Variants in CREB3L3 observed in about 807,000 individuals in gnomAD.
CREB3L3 encodes the protein cAMP responsive element binding protein 3 like 3, also known as cyclic AMP-responsive element-binding protein 3-like protein 3.
Under a neutral mutation model 44.6 loss-of-function variants are expected in CREB3L3, and 40 were observed. The observed-to-expected ratio is 0.90, with a 90% confidence interval of 0.70 to 1.17. CREB3L3 has a LOEUF of 1.17. CREB3L3 is among the 50% of genes most tolerant of loss of function. The pLI, the probability that CREB3L3 is intolerant of heterozygous loss-of-function variation, is 0.00. For missense variants in CREB3L3, 578 were observed against 595.8 expected, an observed-to-expected ratio of 0.97 and a Z score of 0.31; for synonymous variants, 273 against 256.3, an observed-to-expected ratio of 1.06 and a Z score of -0.62.
chr19:4,166,101 T>C (rs1303972578), intron 5 of CREB3L3, among the ~76,000 whole-genome samples: 1 of 150,558 alleles, frequency 6.6e-6, no homozygotes, highest in Non-Finnish European at 1.5e-5. Context: ...TTTTTTTTTT[T>C]CTATTGAGAC....
intron 4 of CREB3L3, among the ~76,000 whole-genome samples, chr19:4,160,723 TTTTG>T (rs2041648777): frequency 6.8e-6 from 1 of 147,398 alleles, no homozygotes; most frequent in African/African-American, 2.5e-5. Flanking sequence ...GCCTGGCTAA[TTTTG>T]TTTTTCTTTT....
At chr19:4,163,232 C>T (rs980789698) in intron 4 of CREB3L3, among the ~76,000 whole-genome samples, 1 of 151,608 alleles carries the variant, frequency 6.6e-6, no homozygotes, top group African/African-American at 2.4e-5. Context: ...GGCGTGAACC[C>T]GGGAAGCAGA....
intron 1 of CREB3L3, 97 bp from the exon 2 acceptor site, chr19:4,154,802 C>T (rs2041550522): frequency 6.3e-7 from 1 of 1,584,462 alleles, no homozygotes; most frequent in Non-Finnish European, 8.6e-7. Flanking sequence ...AGAGCGGCAA[C>T]TGAACTCTAG....
rs757693100 is a variant in CREB3L3, at chr19:4,159,730, G to C, written c.524G>C (p.Arg175Pro). 23 of 1,598,832 alleles carry C rather than the reference G, an allele frequency of 1.4e-5. No homozygotes were observed. In the South Asian group the frequency reaches 2.3e-4, roughly 16 times the overall value. Residue 175 changes from arginine to proline, a missense_variant, in exon 4 of 10, where the codon CGA (arginine) becomes CCA (proline). Coordinates refer to ENST00000078445, the MANE Select transcript of CREB3L3 (RefSeq NM_032607.3). ...GCTGATCCGGTGGACCTGTCCCCAC[G>C]ATGCAATCTCACCGTGAAAGACCTC... ...KPADPVDLSP[R>P]CNLTVKDLLL...
In CREB3L3 at chr19:4,154,912, C is replaced by A. The variant is rs758831342; in HGVS notation, c.41C>A (p.Ala14Asp). The change falls in exon 2 of 10, where the codon GCC (alanine) becomes GAC (aspartate). Residue 14 changes from alanine to aspartate, a missense_variant. Ala to Asp is a moderately radical substitution (Grantham distance 126, BLOSUM62 -2). Coordinates refer to ENST00000078445, the MANE Select transcript of CREB3L3 (RefSeq NM_032607.3). ...DLAAGKMASA[A>D]CSMDPIDSFE... ...CTCGCGCCCCAGATGGCTTCTGCTG[C>A]CTGCTCCATGGACCCCATCGACAGC... The A allele has an allele frequency of 3.1e-6, 5 of 1,613,880 alleles. No individual in the cohort carries two copies. The African/African-American group carries it at 5.3e-5, about 17-fold the overall frequency.
chr19:4,164,811 C>T (rs890336543), intron 5 of CREB3L3, among the ~76,000 whole-genome samples, 171 bp downstream of exon 5: 1 of 152,046 alleles, frequency 6.6e-6, no homozygotes, highest in Non-Finnish European at 1.5e-5. Flanking sequence ...CAGATTCCAG[C>T]GATTCTCCCG....
chr19:4,162,058 G>C (rs900973670), intron 4 of CREB3L3, among the ~76,000 whole-genome samples: 2 of 152,158 alleles, frequency 1.3e-5, no homozygotes, highest in Admixed American at 6.6e-5. Flanking sequence ...TCCAGGCTAA[G>C]TGCAGTGCCA....
chr19:4,164,655 A>T lies in CREB3L3; in HGVS notation c.714+15A>T. On this transcript the variant is annotated intron_variant, in intron 5 of 9. Coordinates refer to ENST00000078445, the MANE Select transcript of CREB3L3 (RefSeq NM_032607.3). ...CCCTCACTAAGGTGAGTCTGGGGGG[A>T]CTTCCAGCCCTGGATCCATCTCCCC... 1 of 1,613,508 alleles carries T rather than the reference A, an allele frequency of 6.2e-7. No individual in the cohort carries two copies. The highest frequency in any genetic ancestry group is 2.2e-5 in the East Asian group (1 of 44,852).
chr19:4,161,609 C>G (rs1418806563), intron 4 of CREB3L3, among the ~76,000 whole-genome samples: 10 of 131,024 alleles, frequency 7.6e-5, no homozygotes, highest in Non-Finnish European at 1.5e-4. Flanking sequence ...TTTGACAACC[C>G]AAACCCATTT....
At chr19:4,158,428 C>T (rs1341364254) in intron 3 of CREB3L3, among the ~76,000 whole-genome samples, 3 of 151,872 alleles carry the variant, frequency 2.0e-5, no homozygotes, top group Non-Finnish European at 2.9e-5. Flanking sequence ...ACCCGGGAGG[C>T]GGAGGTTGCA....
chr19:4,154,600 C>T (rs1185880920), intron 1 of CREB3L3, among the ~76,000 whole-genome samples: 1 of 152,052 alleles, frequency 6.6e-6, no homozygotes, highest in Non-Finnish European at 1.5e-5. Context: ...TCTTGAACTC[C>T]TGGGCTCAAG....
intron 5 of CREB3L3, among the ~76,000 whole-genome samples, chr19:4,164,993 GC>G (rs1191095910): frequency 6.6e-6 from 1 of 152,120 alleles, no homozygotes; most frequent in East Asian, 1.9e-4. Context: ...CCAGGCGTGA[GC>G]CACCGCACTG....
At chr19:4,161,078 A>AT (rs2041656430) in intron 4 of CREB3L3, among the ~76,000 whole-genome samples, 1 of 151,884 alleles carries the variant, frequency 6.6e-6, no homozygotes, top group Non-Finnish European at 1.5e-5. Context: ...CACCTGGCTG[A>AT]TTTTTTGTAT....
In CREB3L3 at chr19:4,172,039, A is replaced by C. The variant is rs1180384609; in HGVS notation, c.*70A>C. ...CTTGGGGATGCTGCACTGGGCAGCTACCCACCTGGGGATGGGACGTGAGGC... is the reference window on the plus strand; with the variant it reads ...CTTGGGGATGCTGCACTGGGCAGCTCCCCACCTGGGGATGGGACGTGAGGC... On this transcript the variant is annotated 3_prime_UTR_variant, in exon 10 of 10. Transcript: ENST00000078445. 7.0e-7 allele frequency: 1 copy of C among 1,434,696 alleles called. No individual in the cohort carries two copies. The highest frequency in any genetic ancestry group is 1.4e-5 in the African/African-American group (1 of 70,716). 88.9% of individuals were successfully genotyped at this position (1,434,696 alleles called of 1,614,324 possible).
rs756540589 is a variant in CREB3L3 at position 4,171,068 on chromosome 19, G to T, written c.891-23G>T. On this transcript the variant is annotated intron_variant, in intron 7 of 9. Coordinates refer to ENST00000078445, the MANE Select transcript of CREB3L3 (RefSeq NM_032607.3). This position sits in a 1 kb window ranked among gnomAD's most constrained non-coding sequence, Gnocchi z 4.9. Reference sequence around the variant, plus strand: ...GAACCGAGGCCCTTTAGGGCTCAGCGGAGGCCTGCCTGTCTCTCTAAGGTC... The same window carrying T: ...GAACCGAGGCCCTTTAGGGCTCAGCTGAGGCCTGCCTGTCTCTCTAAGGTC... 2 of 1,600,258 alleles carry T rather than the reference G, an allele frequency of 1.2e-6. No homozygotes were observed. The highest frequency in any genetic ancestry group is 1.1e-5 in the South Asian group (1 of 90,812).
At chr19:4,163,912 C>G (rs2145131413) in intron 4 of CREB3L3, among the ~76,000 whole-genome samples, 1 of 150,372 alleles carries the variant, frequency 6.7e-6, no homozygotes, top group Middle Eastern at 3.4e-3. Flanking sequence ...TCAAGCAGTT[C>G]TCCTGCCTCA....
chr19:4,164,416 T>C, intron 4 of CREB3L3, 87 bp from the exon 5 acceptor site: 4 of 1,530,820 alleles, frequency 2.6e-6, no homozygotes, highest in African/African-American at 1.4e-5. Flanking sequence ...CCTGGGGTGA[T>C]AGTGTTTTCG....
chr19:4,164,425 C>T (rs929402083), intron 4 of CREB3L3, 78 bp from the exon 5 acceptor site: 29 of 1,581,562 alleles, frequency 1.8e-5, no homozygotes, highest in African/African-American at 9.4e-5. Flanking sequence ...ATAGTGTTTT[C>T]GATCTGATAC....
intron 1 of CREB3L3, among the ~76,000 whole-genome samples, 178 bp from the exon 2 acceptor site, chr19:4,154,716 TCTCTC>T (rs934044399): frequency 6.6e-6 from 1 of 152,092 alleles, no homozygotes; most frequent in Non-Finnish European, 1.5e-5. Flanking sequence ...ACTGTGGAAT[TCTCTC>T]TATCAGCCTC....
Sources: allele counts gnomAD v4.1 joint callset (sites outside exome capture counted in the v4.1 genomes callset), GRCh38; gene constraint gnomAD v4.1.1; non-coding constraint Gnocchi (gnomAD v3.1); transcripts MANE v1.5; gene names NCBI Gene and HGNC (gene_info 2026-07-23, HGNC 2026-07-21).